Variants in CBFA2T2 observed in about 807,000 individuals in gnomAD.
The protein encoded by CBFA2T2 is CBFA2/RUNX1 partner transcriptional co-repressor 2.
In CBFA2T2, 11 loss-of-function variants were observed where a neutral mutation model predicts 62.2. That is an observed-to-expected ratio of 0.18 (90% CI 0.11 to 0.29). The LOEUF (loss-of-function observed/expected upper bound fraction) is 0.29. CBFA2T2 is among the 10% of genes least tolerant of loss of function. The pLI, the probability that CBFA2T2 is intolerant of heterozygous loss-of-function variation, is 1.00. For synonymous variants in CBFA2T2, 295 were observed against 287.5 expected (o/e 1.03, Z -0.27); for missense variants, 592 against 774.1 (o/e 0.76, Z 2.79).
At chr20:33,536,194 C>A (rs1189290184) in intron 1 of CBFA2T2, among the ~76,000 whole-genome samples, 2 of 152,210 alleles carry the variant, frequency 1.3e-5, no homozygotes, top group Non-Finnish European at 2.9e-5. Flanking sequence ...GTACACCTCC[C>A]AGACGGGGTG....
rs1245363860 is a variant in CBFA2T2 at position 33,599,260 on chromosome 20, AAGAG to A, written c.35-7694_35-7691del. On this transcript the variant is annotated intron_variant, in intron 1 of 10. Transcript: ENST00000342704. ...CTGGGCGACAGTGAGACTCTGTCTC[AAGAG>A]AAAAAAAAAACCTGTGGCCCACTGT... Among the ~76,000 whole-genome samples, 9 of 152,138 alleles carry A rather than the reference AAGAG, an allele frequency of 5.9e-5. No individual in the cohort carries two copies. In the East Asian group the frequency reaches 1.5e-3, roughly 26 times the overall value.
chr20:33,629,424 G>T (rs548766989), intron 7 of CBFA2T2, among the ~76,000 whole-genome samples: 2 of 152,216 alleles, frequency 1.3e-5, no homozygotes, highest in Non-Finnish European at 2.9e-5. Context: ...TACAACAAAT[G>T]CTGCTGCAAC....
At chr20:33,520,910 GCACA>G (rs138966628) in intron 1 of CBFA2T2, among the ~76,000 whole-genome samples, 22 of 148,984 alleles carry the variant, frequency 1.5e-4, no homozygotes, top group African/African-American at 3.5e-4. Context: ...ACACGCACGC[GCACA>G]CACACACACA....
At chr20:33,638,430 G>A (rs1316314429) in intron 9 of CBFA2T2, among the ~76,000 whole-genome samples, 1 of 152,208 alleles carries the variant, frequency 6.6e-6, no homozygotes, top group Non-Finnish European at 1.5e-5. Flanking sequence ...ACGACCTCCA[G>A]TAAGATAGCT....
intron 1 of CBFA2T2, among the ~76,000 whole-genome samples, chr20:33,580,834 A>G (rs1261757179): frequency 7.2e-5 from 11 of 152,180 alleles, no homozygotes; most frequent in Non-Finnish European, 1.5e-4. Flanking sequence ...AGCCTGGGTA[A>G]TGGAATGAGC....
intron 1 of CBFA2T2, among the ~76,000 whole-genome samples, chr20:33,573,455 T>C (rs536818199): frequency 2.0e-4 from 30 of 151,988 alleles, no homozygotes; most frequent in African/African-American, 6.8e-4. Flanking sequence ...TGTTTCTCAG[T>C]TTTTGAGTAC....
At chr20:33,538,631 G>T (rs560644734) in intron 1 of CBFA2T2, among the ~76,000 whole-genome samples, 68 of 152,284 alleles carry the variant, frequency 4.5e-4, no homozygotes, top group African/African-American at 1.5e-3. Context: ...CTCCCAAAGT[G>T]CTGGGATTAC....
chr20:33,625,912 CTAATA>C, intron 6 of CBFA2T2, among the ~76,000 whole-genome samples: 1 of 152,156 alleles, frequency 6.6e-6, no homozygotes. Context: ...ACCAATCTGG[CTAATA>C]CAGTGAAACC....
intron 1 of CBFA2T2, among the ~76,000 whole-genome samples, chr20:33,591,854 G>A (rs1048588867): frequency 4.0e-5 from 6 of 151,500 alleles, no homozygotes; most frequent in South Asian, 4.2e-4. Flanking sequence ...CAATTGTGGC[G>A]GGGTGGGAGG....
intron 2 of CBFA2T2, among the ~76,000 whole-genome samples, chr20:33,610,668 T>A (rs1287925457): frequency 6.6e-6 from 1 of 152,170 alleles, no homozygotes; most frequent in Non-Finnish European, 1.5e-5. Flanking sequence ...CTTGCTCACA[T>A]GCTACCTTCT....
At chr20:33,531,412 C>T (rs2012058073) in intron 1 of CBFA2T2, among the ~76,000 whole-genome samples, 1 of 152,124 alleles carries the variant, frequency 6.6e-6, no homozygotes, top group Admixed American at 6.6e-5. Context: ...TGCTGTATAT[C>T]CTCTTCATCT....
At position 33,529,455 on chromosome 20, in the gene CBFA2T2, G is replaced by A. The variant is rs192091444; in HGVS notation, c.34+39154G>A. ...TTTCCATCCCTCTTTCCTTTACTTT[G>A]TTCTCTTTGTAAGTTACAAAAGAGA... is the stretch of plus-strand genomic sequence containing the variant. On this transcript the variant is annotated intron_variant, in intron 1 of 10. Transcript: ENST00000342704. 2.5e-3 allele frequency among the ~76,000 whole-genome samples: 384 copies of A among 151,490 alleles called. 1 individual carries two copies. Among genetic ancestry groups the A allele is most frequent in the Non-Finnish European group, 4.3e-3 (289 of 67,862 alleles).
At chr20:33,572,833 GAT>G (rs1175666754) in intron 1 of CBFA2T2, among the ~76,000 whole-genome samples, 1 of 152,168 alleles carries the variant, frequency 6.6e-6, no homozygotes, top group Non-Finnish European at 1.5e-5. Context: ...AATGTGATCT[GAT>G]TTATATTGTA....
intron 10 of CBFA2T2, among the ~76,000 whole-genome samples, chr20:33,642,562 C>T (rs1182556688): frequency 6.6e-6 from 1 of 151,644 alleles, no homozygotes; most frequent in Non-Finnish European, 1.5e-5. Context: ...GATCGTAACA[C>T]TGCATTCCAG....
At chr20:33,565,830 A>G (rs1165473544) in intron 1 of CBFA2T2, among the ~76,000 whole-genome samples, 1 of 152,224 alleles carries the variant, frequency 6.6e-6, no homozygotes, top group Non-Finnish European at 1.5e-5. Flanking sequence ...GGAGGCACAT[A>G]ATGCAATAAT....
chr20:33,547,721 G>GTGTA (rs1236823920), intron 1 of CBFA2T2, among the ~76,000 whole-genome samples: 1 of 151,378 alleles, frequency 6.6e-6, no homozygotes, highest in Non-Finnish European at 1.5e-5. Context: ...GTGTGTGTGT[G>GTGTA]TGTGTGTGTA....
intron 1 of CBFA2T2, among the ~76,000 whole-genome samples, chr20:33,563,517 T>C (rs1389285207): frequency 6.6e-6 from 1 of 152,168 alleles, no homozygotes; most frequent in Non-Finnish European, 1.5e-5. Flanking sequence ...CACTTTTTAC[T>C]GTTTCCATAC....
chr20:33,530,604 A>C (rs1435205942), intron 1 of CBFA2T2, among the ~76,000 whole-genome samples: 1 of 151,702 alleles, frequency 6.6e-6, no homozygotes, highest in Non-Finnish European at 1.5e-5. Flanking sequence ...TTTTGTAAAG[A>C]CGGGGTTTCA....
intron 1 of CBFA2T2, among the ~76,000 whole-genome samples, chr20:33,569,340 C>T (rs1270814422): frequency 1.3e-5 from 2 of 152,152 alleles, no homozygotes; most frequent in African/African-American, 4.8e-5. Context: ...GTTGTTTGTT[C>T]TCTGTGTTTA....
Sources: gnomAD v4.1 joint callset for allele counts (sites outside exome capture counted in the v4.1 genomes callset) on GRCh38, gnomAD v4.1.1 for gene constraint, MANE v1.5 for transcripts, NCBI Gene and HGNC (gene_info 2026-07-23, HGNC 2026-07-21) for gene names.